MICAL3: variants seen among roughly 807,000 people sequenced by gnomAD.
MICAL3 encodes the protein microtubule associated monooxygenase, calponin and LIM domain containing 3.
Under a neutral mutation model 207.4 loss-of-function variants are expected in MICAL3, and 62 were observed. The ratio of observed to expected loss-of-function variants is 0.30; its 90% confidence interval spans 0.24 to 0.37. The LOEUF (loss-of-function observed/expected upper bound fraction) is 0.37. Among genes scored for constraint, MICAL3 ranks in the 10% least tolerant of loss-of-function variants. The pLI, the probability that MICAL3 is intolerant of heterozygous loss-of-function variation, is 1.00. For missense variants in MICAL3, 2,368 were observed against 2,635.6 expected, an observed-to-expected ratio of 0.90 and a Z score of 2.22; for synonymous variants, 1,077 against 1,069.3, an observed-to-expected ratio of 1.01 and a Z score of -0.14.
At chr22:17,925,562 G>A (rs1932900600) in intron 1 of MICAL3, among the ~76,000 whole-genome samples, 1 of 152,200 alleles carries the variant, frequency 6.6e-6, no homozygotes, top group Non-Finnish European at 1.5e-5. Flanking sequence ...AACACGAAGG[G>A]AGCTCAGAGC....
At chr22:17,982,731 TA>T (rs1231199024) in intron 1 of MICAL3, among the ~76,000 whole-genome samples, 2 of 112,092 alleles carry the variant, frequency 1.8e-5, no homozygotes, top group African/African-American at 3.4e-5. Flanking sequence ...TAACATAACA[TA>T]AAAATAAAAT....
Position 17,817,450 on chromosome 22 carries a change from CT to C in MICAL3, c.5210del (p.Lys1737SerfsTer45), listed in dbSNP as rs1312461244. 1 of 1,613,732 alleles carries C rather than the reference CT, an allele frequency of 6.2e-7. No homozygotes were observed. Among genetic ancestry groups the C allele is most frequent in the Non-Finnish European group, 8.5e-7 (1 of 1,179,874 alleles). On this transcript the variant is annotated frameshift_variant, in exon 26 of 32. Transcript: ENST00000441493. LOFTEE classifies it high-confidence loss of function. ...CGGAGAAGACGGACTTCCACAGGGA[CT>C]TGGGTTTGGCGGCGGCTTCTTCTAG... ...NLLEEAAAKP[K>X]SLWKSVFSGY...
At chr22:17,960,139 T>C (rs1183897482) in intron 1 of MICAL3, among the ~76,000 whole-genome samples, 2 of 152,244 alleles carry the variant, frequency 1.3e-5, no homozygotes, top group African/African-American at 4.8e-5. Context: ...TGAGCGCGGC[T>C]GTGGCTCCCT....
chr22:17,938,039 AG>A (rs1308219106), intron 1 of MICAL3, among the ~76,000 whole-genome samples: 1 of 152,172 alleles, frequency 6.6e-6, no homozygotes, highest in Non-Finnish European at 1.5e-5. Flanking sequence ...TGCTGATTAT[AG>A]TATCTATCTT....
chr22:17,873,312 C>T (rs1039010637), intron 16 of MICAL3, among the ~76,000 whole-genome samples: 4 of 152,266 alleles, frequency 2.6e-5, no homozygotes, highest in Non-Finnish European at 5.9e-5. Context: ...TCTCCTCACT[C>T]AGAAGGAACC....
chr22:17,907,101 A>G (rs958691093), intron 1 of MICAL3, among the ~76,000 whole-genome samples: 1 of 152,330 alleles, frequency 6.6e-6, no homozygotes, highest in Non-Finnish European at 1.5e-5. Context: ...AGTCTAGGAG[A>G]CGAGGCAGAC....
intron 1 of MICAL3, among the ~76,000 whole-genome samples, chr22:17,928,732 C>T (rs1933057107): frequency 6.6e-6 from 1 of 152,320 alleles, no homozygotes; most frequent in East Asian, 1.9e-4. Flanking sequence ...TTACATGCCC[C>T]ATAGGGGGGT....
chr22:17,918,988 C>T (rs1044335123), intron 1 of MICAL3, among the ~76,000 whole-genome samples: 5 of 152,042 alleles, frequency 3.3e-5, no homozygotes, highest in East Asian at 3.8e-4. Context: ...CTGGTCACAT[C>T]GTTTAAACCT....
intron 19 of MICAL3, among the ~76,000 whole-genome samples, chr22:17,858,258 A>C (rs1490443044): frequency 1.3e-5 from 2 of 152,212 alleles, no homozygotes; most frequent in Non-Finnish European, 2.9e-5. Context: ...GGTGCTGAGA[A>C]TTCCGGGCGG....
intron 20 of MICAL3, among the ~76,000 whole-genome samples, chr22:17,834,814 T>C (rs1923189964): frequency 6.6e-6 from 1 of 152,260 alleles, no homozygotes; most frequent in Non-Finnish European, 1.5e-5. Context: ...TACTTTCTTA[T>C]TAATGAACAA....
At chr22:17,801,928 A>C (rs1351173288) in intron 29 of MICAL3, among the ~76,000 whole-genome samples, 1 of 151,752 alleles carries the variant, frequency 6.6e-6, no homozygotes, top group African/African-American at 2.4e-5. Context: ...ACAACAACAA[A>C]AAACCCAAAA....
chr22:17,859,614 A>G (rs1392021452), intron 19 of MICAL3, among the ~76,000 whole-genome samples: 1 of 152,238 alleles, frequency 6.6e-6, no homozygotes, highest in Non-Finnish European at 1.5e-5. Context: ...ACAGCATGAG[A>G]GAGAAATCAG....
rs1195101695 is a variant in MICAL3, at chr22:17,976,589, A to ATTTTTTT, written c.-75+47685_-75+47691dup. Among the ~76,000 whole-genome samples the ATTTTTTT allele has an allele frequency of 2.4e-4, 16 of 67,126 alleles. 1 individual carries two copies. Among genetic ancestry groups the ATTTTTTT allele is most frequent in the East Asian group, 1.8e-3 (3 of 1,630 alleles). 44.0% of individuals were successfully genotyped at this position (67,126 alleles called of 152,430 possible). A position where few individuals can be genotyped will look rare whatever the true frequency, so the allele number is the denominator to read the frequency against. ...TATATATATATATATATATATATATATTTTTTTTTTTTTTTTTTGAGACAG... is the reference window on the plus strand; with the variant it reads ...TATATATATATATATATATATATATATTTTTTTTTTTTTTTTTTTTTTTTTGAGACAG... On this transcript the variant is annotated intron_variant, in intron 1 of 31. Coordinates refer to ENST00000441493, the MANE Select transcript of MICAL3 (RefSeq NM_015241.3).
intron 16 of MICAL3, chr22:17,875,618 C>T (rs779367291): frequency 1.0e-6 from 1 of 968,160 alleles, no homozygotes; most frequent in African/African-American, 1.7e-5. Flanking sequence ...CACACACTGA[C>T]CTCTGAACAT....
At chr22:17,816,465 A>T (rs1334126887) in intron 27 of MICAL3, among the ~76,000 whole-genome samples, 1 of 152,238 alleles carries the variant, frequency 6.6e-6, no homozygotes, top group Non-Finnish European at 1.5e-5. Context: ...TCTTCACAAG[A>T]AATCAGAAGC....
rs75157588 is a variant in MICAL3 at position 17,948,502 on chromosome 22, C to G, written c.-74-41616G>C. Among the ~76,000 whole-genome samples, 883 of 152,286 alleles carry G rather than the reference C, an allele frequency of 5.8e-3. 12 individuals carry two copies. The highest frequency in any genetic ancestry group is 0.021 in the Middle Eastern group (6 of 292). The stretch of plus-strand genomic sequence containing the variant: ...CATACCAGCTGCAGAGCATTTGACA[C>G]CAGGCATCCACAAGACACAGACCCT... On this transcript the variant is annotated intron_variant, in intron 1 of 31. Coordinates refer to ENST00000441493, the MANE Select transcript of MICAL3 (RefSeq NM_015241.3).
chr22:18,000,422 G>C (rs1050420685), intron 1 of MICAL3, among the ~76,000 whole-genome samples: 4 of 152,236 alleles, frequency 2.6e-5, no homozygotes, highest in Non-Finnish European at 5.9e-5. Context: ...GACCAGCCAA[G>C]ATACGGGGCT....
In MICAL3 at chr22:17,847,209, C is replaced by T. The variant is rs60926415; in HGVS notation, c.2606-5192G>A. ...CTGAAGACACTTCAGGGCTCCGCGC[C>T]GCTGAGAAGGGTGTCGCGTAGGAAA... On this transcript the variant is annotated intron_variant, in intron 19 of 31. Transcript: ENST00000441493. Among the ~76,000 whole-genome samples the T allele has an allele frequency of 5.4e-3, 821 of 152,330 alleles. 14 individuals carry two copies. Among genetic ancestry groups the T allele is most frequent in the African/African-American group, 0.019 (788 of 41,576 alleles).
At chr22:17,826,052 C>T (rs1221327298) in intron 22 of MICAL3, among the ~76,000 whole-genome samples, 2 of 152,346 alleles carry the variant, frequency 1.3e-5, no homozygotes, top group African/African-American at 4.8e-5. Flanking sequence ...CTGGTTTTGA[C>T]AGCCTCCTTC....
Sources: gnomAD v4.1 joint callset for allele counts (sites outside exome capture counted in the v4.1 genomes callset) on GRCh38, gnomAD v4.1.1 for gene constraint, MANE v1.5 for transcripts, NCBI Gene and HGNC (gene_info 2026-07-23, HGNC 2026-07-21) for gene names.